Variants in PHACTR3 observed in about 807,000 individuals in gnomAD.
PHACTR3 encodes phosphatase and actin regulator 3.
PHACTR3 carries 16 observed loss-of-function variants against 66.8 expected under a neutral mutation model. The observed-to-expected ratio is 0.24, with a 90% CI of 0.16 to 0.36. The LOEUF (loss-of-function observed/expected upper bound fraction) is 0.36, where lower values mean the gene tolerates loss of function less well. Among genes scored for constraint, PHACTR3 ranks in the 10% least tolerant of loss-of-function variants. PHACTR3 has a pLI of 1.00. For missense variants in PHACTR3, 647 were observed against 719.9 expected (o/e 0.90, Z 1.16); for synonymous variants, 323 against 292.1 (o/e 1.11, Z -1.08).
intron 7 of PHACTR3, among the ~76,000 whole-genome samples, chr20:59,800,419 C>G (rs2041376600): frequency 3.3e-5 from 5 of 152,082 alleles, no homozygotes; most frequent in Admixed American, 2.6e-4. Context: ...GATAGTTTTT[C>G]CAAGTATGGA....
At chr20:59,735,906 G>A (rs982107757) in intron 1 of PHACTR3, among the ~76,000 whole-genome samples, 1 of 152,150 alleles carries the variant, frequency 6.6e-6, no homozygotes, top group Non-Finnish European at 1.5e-5. Flanking sequence ...ATGGAAATTA[G>A]CCTGTAAGCT....
chr20:59,718,356 T>C (rs2038172489), intron 1 of PHACTR3, among the ~76,000 whole-genome samples: 1 of 152,130 alleles, frequency 6.6e-6, no homozygotes, highest in Non-Finnish European at 1.5e-5. Flanking sequence ...CTGGTCCTGT[T>C]GGGGAGGAAG....
chr20:59,610,764 T>C (rs1479749840), intron 1 of PHACTR3, among the ~76,000 whole-genome samples: 1 of 152,186 alleles, frequency 6.6e-6, no homozygotes, highest in East Asian at 1.9e-4. Context: ...TCCTTTTGGC[T>C]GTGTCACCAG....
At chr20:59,786,809 C>CT (rs1490805942) in intron 7 of PHACTR3, among the ~76,000 whole-genome samples, 1 of 152,098 alleles carries the variant, frequency 6.6e-6, no homozygotes, top group Non-Finnish European at 1.5e-5. Flanking sequence ...TTACAGAAGT[C>CT]TTTTTCTGTG....
intron 1 of PHACTR3, among the ~76,000 whole-genome samples, chr20:59,732,309 G>A (rs969886772): frequency 2.6e-5 from 4 of 152,176 alleles, no homozygotes; most frequent in Non-Finnish European, 4.4e-5. Flanking sequence ...GACCTTGAAC[G>A]AGTGCTTTCG....
At chr20:59,727,565 G>C (rs960381424) in intron 1 of PHACTR3, among the ~76,000 whole-genome samples, 1 of 152,020 alleles carries the variant, frequency 6.6e-6, no homozygotes, top group Non-Finnish European at 1.5e-5. Context: ...GAGAATTCAC[G>C]GTCCCTGGGT....
intron 8 of PHACTR3, among the ~76,000 whole-genome samples, chr20:59,832,077 T>C (rs2042400817): frequency 6.6e-6 from 1 of 152,128 alleles, no homozygotes; most frequent in South Asian, 2.1e-4. Flanking sequence ...CTGGGCCTCA[T>C]CCCAGCTGTG....
intron 1 of PHACTR3, among the ~76,000 whole-genome samples, chr20:59,637,335 T>C (rs1369771446): frequency 6.6e-6 from 1 of 152,224 alleles, no homozygotes; most frequent in Non-Finnish European, 1.5e-5. Context: ...TGGTCTGGCC[T>C]TTCTGCTGTA....
At chr20:59,728,527 C>T (rs185975566) in intron 1 of PHACTR3, among the ~76,000 whole-genome samples, 86 of 152,170 alleles carry the variant, frequency 5.7e-4, no homozygotes, top group Admixed American at 4.1e-3. Flanking sequence ...ATCGACAGAT[C>T]GATGGATTAA....
chr20:59,721,714 G>A, intron 1 of PHACTR3, among the ~76,000 whole-genome samples: 1 of 152,156 alleles, frequency 6.6e-6, no homozygotes, highest in East Asian at 1.9e-4. Context: ...CAGATTGCGT[G>A]GGGAGGATAC....
At chr20:59,783,778 G>C (rs1256122138) in intron 7 of PHACTR3, among the ~76,000 whole-genome samples, 1 of 152,244 alleles carries the variant, frequency 6.6e-6, no homozygotes, top group Non-Finnish European at 1.5e-5. Flanking sequence ...TGCAGCAAGG[G>C]GGAGGCAGGA....
chr20:59,594,686 A>C (rs1022445452), intron 1 of PHACTR3, among the ~76,000 whole-genome samples: 1 of 152,162 alleles, frequency 6.6e-6, no homozygotes, highest in African/African-American at 2.4e-5. Context: ...TTATTTTCTT[A>C]GTTAAGCTGG....
At position 59,836,828 on chromosome 20, in the gene PHACTR3, A is replaced by G. The variant is rs146424486; in HGVS notation, c.1384+268A>G. 3.3e-3 allele frequency among the ~76,000 whole-genome samples: 499 copies of G among 152,342 alleles called. 10 individuals carry two copies. The highest frequency in any genetic ancestry group is 0.027 in the Middle Eastern group (8 of 294). ...TTAGTCCCATATGTCTAAGTGCGTT[A>G]GGTTTCAAGCAGGTCTTCCTGGCAG... On this transcript the variant is annotated intron_variant, in intron 9 of 12. Transcript: ENST00000371015.
At chr20:59,607,766 G>A (rs1053292833) in intron 1 of PHACTR3, among the ~76,000 whole-genome samples, 12 of 152,202 alleles carry the variant, frequency 7.9e-5, no homozygotes, top group African/African-American at 2.2e-4. Flanking sequence ...ACTGGGTCTC[G>A]GAGATCTTGC....
chr20:59,787,013 G>T (rs575691129), intron 7 of PHACTR3, among the ~76,000 whole-genome samples: 6 of 152,078 alleles, frequency 3.9e-5, no homozygotes, highest in African/African-American at 1.4e-4. Context: ...TGGTGGCAGT[G>T]GTGTCAGAGT....
intron 8 of PHACTR3, among the ~76,000 whole-genome samples, chr20:59,815,418 G>GT (rs538438640): frequency 0.079 from 10,347 of 130,856 alleles, 597 homozygotes; most frequent in African/African-American, 0.12. Flanking sequence ...TGGGGTTCTG[G>GT]TTTTTTTTTT....
chr20:59,579,829 G>A (rs2032811102), intron 1 of PHACTR3, among the ~76,000 whole-genome samples: 1 of 152,180 alleles, frequency 6.6e-6, no homozygotes, highest in South Asian at 2.1e-4. Context: ...AGGATGCCCT[G>A]TAGGTTTGGG....
intron 1 of PHACTR3, among the ~76,000 whole-genome samples, chr20:59,627,762 ATTTATCTCTCTTT>A (rs1189912842): frequency 6.6e-6 from 1 of 151,980 alleles, no homozygotes; most frequent in Non-Finnish European, 1.5e-5. Context: ...TCTATTTATC[ATTTATCTCTCTTT>A]TTTATTTATC....
At chr20:59,732,194 T>C (rs1187656699) in intron 1 of PHACTR3, among the ~76,000 whole-genome samples, 1 of 152,202 alleles carries the variant, frequency 6.6e-6, no homozygotes. Context: ...CATCTCCCTA[T>C]GCTAGAGTTC....
Sources: gnomAD v4.1 joint callset for allele counts (sites outside exome capture counted in the v4.1 genomes callset) on GRCh38, gnomAD v4.1.1 for gene constraint, MANE v1.5 for transcripts, NCBI Gene and HGNC (gene_info 2026-07-23, HGNC 2026-07-21) for gene names.